The following ZNF676 variants were observed in gnomAD, a reference collection of about 807,000 sequenced individuals.
The protein encoded by ZNF676 is zinc finger protein 676.
Under a neutral mutation model 6.0 loss-of-function variants are expected in ZNF676, and 4 were observed. That is an observed-to-expected ratio of 0.67 (90% CI 0.33 to 1.53). ZNF676 has a LOEUF of 1.53. Ranked by LOEUF, ZNF676 falls within the 40% of genes most tolerant of loss-of-function variation. The probability of loss-of-function intolerance (pLI) is 0.06; values close to 1 mark genes in which losing one functional copy is unlikely to be tolerated. For missense variants in ZNF676, 644 were observed against 679.7 expected (o/e 0.95, Z 0.58); for synonymous variants, 198 against 223.1 (o/e 0.89, Z 1.00).
chr19:22,193,348 A>G (rs1025937388), intron 1 of ZNF676, among the ~76,000 whole-genome samples: 12 of 152,184 alleles, frequency 7.9e-5, no homozygotes, highest in African/African-American at 2.9e-4. Context: ...GTTATTGCGC[A>G]TAACCCATGG....
At chr19:22,209,308 T>A (rs966986804) in intron 1 of ZNF676, among the ~76,000 whole-genome samples, 3 of 148,428 alleles carry the variant, frequency 2.0e-5, no homozygotes, top group Non-Finnish European at 4.4e-5. Context: ...CATGACATCA[T>A]GAAATACTGT....
Position 22,180,254 on chromosome 19 carries a change from G to A in ZNF676, c.1463C>T (p.Thr488Met), listed in dbSNP as rs372702194. ...CTTATGTTTAGTAAGGATTGAGAAC[G>A]TACTAAAGCCTTTGCCACATTCTTC... ...KCEECGKGFSTFSILTKHKII... is the reference protein window; with the variant it reads ...KCEECGKGFSMFSILTKHKII... The change falls in exon 3 of 3, where the codon ACG (threonine) becomes ATG (methionine). Residue 488 changes from threonine to methionine, a missense_variant. Thr to Met is a moderately conservative substitution (Grantham distance 81). This residue lies in a region of ZNF676 where 306 missense variants were observed against 265.4 expected (regional missense o/e 1.15). Coordinates refer to ENST00000397121, the MANE Select transcript of ZNF676 (RefSeq NM_001001411.3). 6.0e-5 allele frequency: 96 copies of A among 1,612,284 alleles called. 1 individual carries two copies. The highest frequency in any genetic ancestry group is 4.7e-4 in the African/African-American group (35 of 74,562).
chr19:22,217,329 G>A (rs1372029922), upstream of ZNF676, among the ~76,000 whole-genome samples: 2 of 151,978 alleles, frequency 1.3e-5, no homozygotes, highest in East Asian at 1.9e-4. Flanking sequence ...CAGCCTTCCC[G>A]AGTATCTGGG....
chr19:22,229,674 A>C, the ZNF676 span, among the ~76,000 whole-genome samples: 1 of 152,194 alleles, frequency 6.6e-6, no homozygotes, highest in Non-Finnish European at 1.5e-5. Flanking sequence ...CAACCCCATC[A>C]AAAAGTGGGC....
the ZNF676 span, among the ~76,000 whole-genome samples, chr19:22,253,370 G>A: frequency 0.28 from 15,506 of 55,650 alleles, 1,652 homozygotes; most frequent in South Asian, 0.47. Context: ...GTGTGTGTGT[G>A]TGTATATATA....
rs745930722 is a variant in ZNF676, at chr19:22,180,487, T to C, written c.1230A>G (p.Glu410=). Residue 410 remains glutamate, a synonymous_variant, in exon 3 of 3, where the codon GAA becomes GAG. Transcript: ENST00000397121. ...KASNSSSKLM[E]HKRIHTGEKP... ...TCTCTCCAGTATGAATTCTCTTATG[T>C]TCCATGAGCTTTGAGGATGAGTTGG... is the stretch of plus-strand genomic sequence containing the variant. 8 of 1,607,138 alleles carry C rather than the reference T, an allele frequency of 5.0e-6. No homozygotes were observed. The South Asian group carries it at 7.7e-5, about 16-fold the overall frequency.
At chr19:22,238,789 A>G in the ZNF676 span, among the ~76,000 whole-genome samples, 1 of 152,194 alleles carries the variant, frequency 6.6e-6, no homozygotes, top group Non-Finnish European at 1.5e-5. Flanking sequence ...CTGATGTTCA[A>G]GGGCAGGAAG....
At chr19:22,205,695 G>T (rs747278280) in intron 1 of ZNF676, among the ~76,000 whole-genome samples, 5 of 151,946 alleles carry the variant, frequency 3.3e-5, no homozygotes, top group Non-Finnish European at 4.4e-5. Flanking sequence ...TAAATCCTCA[G>T]ATCAAAAAGT....
chr19:22,257,479 T>C, the ZNF676 span, among the ~76,000 whole-genome samples: 4 of 152,186 alleles, frequency 2.6e-5, no homozygotes, highest in African/African-American at 9.7e-5. Context: ...CTATTATTCT[T>C]TCTGGCAGGG....
the ZNF676 span, among the ~76,000 whole-genome samples, chr19:22,251,648 C>T: frequency 2.0e-5 from 3 of 152,044 alleles, no homozygotes; most frequent in South Asian, 2.1e-4. Flanking sequence ...ATTAGCCGGG[C>T]GTGGTGGCAC....
intron 2 of ZNF676, among the ~76,000 whole-genome samples, chr19:22,184,311 A>G (rs1423217114): frequency 6.6e-6 from 1 of 152,080 alleles, no homozygotes. Flanking sequence ...ACCATAAAGA[A>G]CAGTGCTCTC....
At chr19:22,190,092 T>C (rs538623838) in intron 2 of ZNF676, among the ~76,000 whole-genome samples, 86 of 152,280 alleles carry the variant, frequency 5.6e-4, no homozygotes, top group African/African-American at 1.9e-3. Context: ...TGCAGCACTA[T>C]TCACAATAGC....
the ZNF676 span, among the ~76,000 whole-genome samples, chr19:22,229,448 A>T: frequency 2.2e-4 from 33 of 152,360 alleles, 1 homozygote; most frequent in African/African-American, 5.8e-4. Context: ...ATGGGCAAAG[A>T]CTTCATGACT....
the ZNF676 span, among the ~76,000 whole-genome samples, chr19:22,252,337 G>A: frequency 4.7e-5 from 7 of 150,386 alleles, no homozygotes; most frequent in Non-Finnish European, 1.0e-4. Flanking sequence ...GGAAGCTGCA[G>A]TGAGCTGAGA....
intron 1 of ZNF676, among the ~76,000 whole-genome samples, chr19:22,205,444 C>T (rs559672640): frequency 1.7e-4 from 26 of 152,126 alleles, no homozygotes; most frequent in East Asian, 1.5e-3. Flanking sequence ...AATCCCAAAA[C>T]GATACAAGGC....
rs111649524 is a variant in ZNF676, at chr19:22,205,140, C to A, written c.4-8414G>T. Among the ~76,000 whole-genome samples, 688 of 151,768 alleles carry A rather than the reference C, an allele frequency of 4.5e-3. 4 individuals are homozygous for A. Among genetic ancestry groups the A allele is most frequent in the African/African-American group, 0.016 (652 of 41,262 alleles). ...GAGAGAAAATTGTTATAAAAAAAAA[C>A]CATGGGTTCACATGAATAAAGCAAA... On this transcript the variant is annotated intron_variant, in intron 1 of 3. Transcript: ENST00000650058.
At chr19:22,234,441 G>A in the ZNF676 span, among the ~76,000 whole-genome samples, 1 of 152,166 alleles carries the variant, frequency 6.6e-6, no homozygotes, top group Non-Finnish European at 1.5e-5. Context: ...ATTTGATGAT[G>A]GAATGCTGTT....
chr19:22,182,818 CATT>C (rs2023779362), intron 2 of ZNF676, among the ~76,000 whole-genome samples: 1 of 151,876 alleles, frequency 6.6e-6, no homozygotes, highest in Admixed American at 6.6e-5. Flanking sequence ...TATAAAAATA[CATT>C]ATTTTCTAGG....
At chr19:22,223,813 G>A in the ZNF676 span, among the ~76,000 whole-genome samples, 2 of 151,688 alleles carry the variant, frequency 1.3e-5, no homozygotes, top group Admixed American at 1.3e-4. Flanking sequence ...TTATATATCA[G>A]AGGCTTTAAT....
Sources: gnomAD v4.1 joint callset for allele counts (sites outside exome capture counted in the v4.1 genomes callset) on GRCh38, gnomAD v4.1.1 for gene constraint, gnomAD v4.1.1 regional missense constraint, MANE v1.5 for transcripts, NCBI Gene and HGNC (gene_info 2026-07-23, HGNC 2026-07-21) for gene names.